Variants in CAMK1D observed in about 807,000 individuals in gnomAD.
The protein encoded by CAMK1D is calcium/calmodulin-dependent protein kinase type 1D.
A neutral mutation model predicts 47.7 loss-of-function variants in CAMK1D; 9 were observed. That is an observed-to-expected ratio of 0.19 (90% CI 0.11 to 0.33). The LOEUF is 0.33. Ranked by LOEUF, CAMK1D falls within the 10% of genes least tolerant of loss-of-function variation. CAMK1D has a pLI of 1.00. For synonymous variants in CAMK1D, 184 were observed against 184.9 expected (o/e 0.99, Z 0.04); for missense variants, 291 against 488.7 (o/e 0.60, Z 3.81).
chr10:12,553,811 C>T (rs755265406), intron 2 of CAMK1D, among the ~76,000 whole-genome samples: 3 of 152,198 alleles, frequency 2.0e-5, no homozygotes, highest in Non-Finnish European at 4.4e-5. Flanking sequence ...CTGTCGCCAC[C>T]GCTGTGAGTA....
rs2724804 is a variant in CAMK1D at position 12,363,227 on chromosome 10, C to G, written c.92+13317C>G. On this transcript the variant is annotated intron_variant, in intron 1 of 10. Coordinates refer to ENST00000619168, the MANE Select transcript of CAMK1D (RefSeq NM_153498.4). ...AAGTGCTGGGATTACAGGCGTGAACCACCGCACCCGGCCTGTTTTTTTTTT... is the reference window on the plus strand; with the variant it reads ...AAGTGCTGGGATTACAGGCGTGAACGACCGCACCCGGCCTGTTTTTTTTTT... 2.6e-3 allele frequency among the ~76,000 whole-genome samples: 395 copies of G among 151,978 alleles called. 1 individual carries two copies. Among genetic ancestry groups the G allele is most frequent in the African/African-American group, 8.9e-3 (369 of 41,432 alleles).
chr10:12,557,110 G>A (rs1189812838), intron 2 of CAMK1D, among the ~76,000 whole-genome samples: 3 of 152,186 alleles, frequency 2.0e-5, no homozygotes, highest in African/African-American at 7.2e-5. Context: ...TACCAGAGCG[G>A]GAGGGCAGGT....
At chr10:12,614,406 A>G (rs765350366) in intron 2 of CAMK1D, among the ~76,000 whole-genome samples, 9 of 152,226 alleles carry the variant, frequency 5.9e-5, no homozygotes, top group African/African-American at 1.4e-4. Context: ...AAATGCAACC[A>G]TATGCATCTC....
chr10:12,647,321 G>C lies in CAMK1D; in HGVS notation c.225-19415G>C, dbSNP rs147069571. Among the ~76,000 whole-genome samples the C allele has an allele frequency of 3.7e-3, 567 of 151,242 alleles. 5 individuals are homozygous for C. Among genetic ancestry groups the C allele is most frequent in the Middle Eastern group, 0.034 (10 of 290 alleles). ...CTGCTACCACACCTGGCTAATTTTT[G>C]TATTTTTAGTAGAGACTAGGTTTCA... is the stretch of plus-strand genomic sequence containing the variant. On this transcript the variant is annotated intron_variant, in intron 2 of 10. Coordinates refer to ENST00000619168, the MANE Select transcript of CAMK1D (RefSeq NM_153498.4).
intron 1 of CAMK1D, among the ~76,000 whole-genome samples, chr10:12,419,522 A>C (rs574307417): frequency 6.6e-6 from 1 of 152,022 alleles, no homozygotes; most frequent in Non-Finnish European, 1.5e-5. Flanking sequence ...CATATTAGAC[A>C]TGAGTCACCG....
chr10:12,658,201 C>A (rs1446971990), intron 2 of CAMK1D, among the ~76,000 whole-genome samples: 2 of 152,058 alleles, frequency 1.3e-5, no homozygotes, highest in African/African-American at 4.8e-5. Context: ...GTGCTGCAAG[C>A]TGTGAGAAAC....
intron 3 of CAMK1D, among the ~76,000 whole-genome samples, chr10:12,744,816 G>A (rs563621946): frequency 1.6e-3 from 247 of 151,984 alleles, no homozygotes; most frequent in Middle Eastern, 0.01. Context: ...GAGAAGGATC[G>A]CTTGAACCCA....
At chr10:12,693,810 G>C in intron 3 of CAMK1D, among the ~76,000 whole-genome samples, 1 of 144,928 alleles carries the variant, frequency 6.9e-6, no homozygotes, top group Admixed American at 7.5e-5. Flanking sequence ...TTGAGCTCAG[G>C]AATTGGAGGC....
chr10:12,527,421 C>T (rs1046450588), intron 1 of CAMK1D, among the ~76,000 whole-genome samples: 2 of 127,078 alleles, frequency 1.6e-5, no homozygotes, highest in African/African-American at 3.1e-5. Flanking sequence ...GTGGTGTGAT[C>T]TTGGCTCACT....
chr10:12,741,071 CTCTA>C (rs1835405077), intron 3 of CAMK1D, among the ~76,000 whole-genome samples: 2 of 152,178 alleles, frequency 1.3e-5, no homozygotes, highest in South Asian at 2.1e-4. Flanking sequence ...TCAAATTCTC[CTCTA>C]TCTGTGACTT....
At chr10:12,700,063 G>A (rs1373610872) in intron 3 of CAMK1D, among the ~76,000 whole-genome samples, 1 of 151,966 alleles carries the variant, frequency 6.6e-6, no homozygotes, top group Non-Finnish European at 1.5e-5. Context: ...ACTTTTTGAA[G>A]TCCCTTAGTA....
chr10:12,505,859 T>TTCCTCC (rs140049789), intron 1 of CAMK1D, among the ~76,000 whole-genome samples: 4 of 151,472 alleles, frequency 2.6e-5, no homozygotes, highest in Non-Finnish European at 4.4e-5. Flanking sequence ...AGCTGTCATC[T>TTCCTCC]TCCTCCTCCT....
intron 3 of CAMK1D, among the ~76,000 whole-genome samples, chr10:12,741,514 G>A (rs900009613): frequency 6.6e-6 from 1 of 152,254 alleles, no homozygotes; most frequent in African/African-American, 2.4e-5. Flanking sequence ...TACAGTCTGT[G>A]AAACATCAGA....
chr10:12,496,781 T>C (rs1293650085), intron 1 of CAMK1D, among the ~76,000 whole-genome samples: 2 of 152,212 alleles, frequency 1.3e-5, no homozygotes, highest in East Asian at 3.8e-4. Flanking sequence ...TGCAGGTTTG[T>C]TACATAGGGA....
intron 1 of CAMK1D, among the ~76,000 whole-genome samples, chr10:12,452,497 T>G (rs964697180): frequency 5.3e-5 from 8 of 152,028 alleles, no homozygotes; most frequent in Middle Eastern, 6.9e-3. Flanking sequence ...TATACATTTA[T>G]TTGTATATGT....
chr10:12,744,717 T>C (rs1328814618), intron 3 of CAMK1D, among the ~76,000 whole-genome samples: 1 of 148,384 alleles, frequency 6.7e-6, no homozygotes. Context: ...ATTGTGAGAG[T>C]TGGTCTCTAC....
intron 1 of CAMK1D, among the ~76,000 whole-genome samples, chr10:12,375,779 T>C (rs1195670518): frequency 6.6e-6 from 1 of 152,084 alleles, no homozygotes; most frequent in Non-Finnish European, 1.5e-5. Context: ...TGGGAAGCAG[T>C]GTGTATTTGG....
chr10:12,674,275 TTTTTGTTTTTA>T, intron 3 of CAMK1D, among the ~76,000 whole-genome samples: 1 of 152,134 alleles, frequency 6.6e-6, no homozygotes, highest in South Asian at 2.1e-4. Flanking sequence ...GTGGAAAGAG[TTTTTGTTTTTA>T]TTTTGTTTTT....
chr10:12,487,214 A>G (rs574561538), intron 1 of CAMK1D, among the ~76,000 whole-genome samples: 1 of 152,250 alleles, frequency 6.6e-6, no homozygotes, highest in East Asian at 1.9e-4. Context: ...TGTCCCTCGC[A>G]TTATGTTCAT....
Sources: allele counts gnomAD v4.1 joint callset (sites outside exome capture counted in the v4.1 genomes callset), GRCh38; gene constraint gnomAD v4.1.1; transcripts MANE v1.5; gene names NCBI Gene and HGNC (gene_info 2026-07-23, HGNC 2026-07-21).